The following COBLL1 variants were observed in gnomAD, a reference collection of about 807,000 sequenced individuals.
COBLL1 encodes the protein cordon-bleu WH2 repeat protein like 1.
Under a neutral mutation model 94.8 loss-of-function variants are expected in COBLL1, and 50 were observed. The observed-to-expected ratio is 0.53, with a 90% CI of 0.42 to 0.67. The LOEUF (loss-of-function observed/expected upper bound fraction) is 0.67, where lower values mean the gene tolerates loss of function less well. Among genes scored for constraint, COBLL1 ranks in the 30% least tolerant of loss-of-function variants. The pLI is 0.00. For missense variants in COBLL1, 1,362 were observed against 1,348.7 expected, an observed-to-expected ratio of 1.01 and a Z score of -0.15; for synonymous variants, 448 against 473.8, an observed-to-expected ratio of 0.95 and a Z score of 0.71.
intron 9 of COBLL1, among the ~76,000 whole-genome samples, chr2:164,702,575 A>ATAATAAT (rs1470498342): frequency 5.9e-5 from 8 of 135,066 alleles, no homozygotes; most frequent in African/African-American, 2.4e-4. Flanking sequence ...AAAAAAAAAA[A>ATAATAAT]AATAATAATA....
At chr2:164,826,907 T>C (rs113291448) in intron 2 of COBLL1, among the ~76,000 whole-genome samples, 3 of 147,156 alleles carry the variant, frequency 2.0e-5, no homozygotes, top group Middle Eastern at 3.4e-3. Flanking sequence ...TTTTTTTTTT[T>C]GTTTCTCTCT....
chr2:164,687,684 A>G (rs1683373738), intron 13 of COBLL1: 1 of 746,034 alleles, frequency 1.3e-6, no homozygotes, highest in Non-Finnish European at 2.4e-6. Context: ...TAGAGGAAAC[A>G]GGCTGCATAC....
intron 2 of COBLL1, among the ~76,000 whole-genome samples, chr2:164,806,224 T>C (rs1299061517): frequency 6.6e-6 from 1 of 152,140 alleles, no homozygotes; most frequent in Non-Finnish European, 1.5e-5. Flanking sequence ...AACAGTGACT[T>C]CCCAAGGAAT....
At chr2:164,790,531 C>T (rs1003591942) in intron 2 of COBLL1, among the ~76,000 whole-genome samples, 5 of 152,102 alleles carry the variant, frequency 3.3e-5, no homozygotes, top group Admixed American at 6.6e-5. Context: ...TTGTTTACAT[C>T]AATTAACCTA....
In COBLL1 at chr2:164,684,251, T is replaced by C. The variant is rs1011657919; in HGVS notation, c.*1695A>G. 2.6e-5 allele frequency: 4 copies of C among 152,102 alleles called. No homozygotes were observed. The highest frequency in any genetic ancestry group is 9.7e-5 in the African/African-American group (4 of 41,430). The allele number at this position is 152,102 out of a possible 1,614,324, so 9.4% of individuals were successfully genotyped here. A position where few individuals can be genotyped will look rare whatever the true frequency, so the allele number is the denominator to read the frequency against. On this transcript the variant is annotated 3_prime_UTR_variant, in exon 14 of 14. Transcript: ENST00000652658. ...TTCTATTAGGTAGACTTATCATGAG[T>C]TGTAGGAACTTTCATATCTTCATAA... is the stretch of plus-strand genomic sequence containing the variant.
intron 2 of COBLL1, among the ~76,000 whole-genome samples, chr2:164,756,667 G>A (rs891974430): frequency 2.6e-5 from 4 of 151,838 alleles, no homozygotes; most frequent in Non-Finnish European, 5.9e-5. Context: ...GATACGGCAG[G>A]GAGAAAACAA....
At chr2:164,822,662 T>C (rs1685220996) in intron 2 of COBLL1, among the ~76,000 whole-genome samples, 1 of 151,164 alleles carries the variant, frequency 6.6e-6, no homozygotes, top group South Asian at 2.1e-4. Flanking sequence ...AAAATTTCAA[T>C]ATGGGTAGAG....
chr2:164,780,281 A>G (rs1688672252), intron 2 of COBLL1, among the ~76,000 whole-genome samples: 1 of 152,146 alleles, frequency 6.6e-6, no homozygotes, highest in South Asian at 2.1e-4. Context: ...TTTCTACAAC[A>G]TAGAAATGGC....
At chr2:164,762,766 G>C (rs1037655291) in intron 2 of COBLL1, among the ~76,000 whole-genome samples, 2 of 143,892 alleles carry the variant, frequency 1.4e-5, no homozygotes, top group African/African-American at 2.6e-5. Context: ...GTGCGATCTC[G>C]ACTCACTGCA....
intron 11 of COBLL1, chr2:164,697,031 T>C (rs1384905407): frequency 1.3e-5 from 2 of 152,048 alleles, no homozygotes; most frequent in African/African-American, 4.8e-5. Flanking sequence ...TAAAATGTAA[T>C]AAGCTATATT....
chr2:164,719,761 G>C (rs773018095), intron 7 of COBLL1, among the ~76,000 whole-genome samples: 3 of 152,114 alleles, frequency 2.0e-5, no homozygotes, highest in Non-Finnish European at 4.4e-5. Context: ...GGAAGGGTTA[G>C]AGCTCAGACA....
chr2:164,788,249 A>G (rs182140636), intron 2 of COBLL1, among the ~76,000 whole-genome samples: 184 of 152,328 alleles, frequency 1.2e-3, no homozygotes, highest in Middle Eastern at 3.4e-3. Flanking sequence ...GAGTGAGGCC[A>G]CAAGTCTTGT....
At chr2:164,735,742 G>A (rs181071059) in intron 3 of COBLL1, among the ~76,000 whole-genome samples, 74 of 152,272 alleles carry the variant, frequency 4.9e-4, no homozygotes, top group Non-Finnish European at 1.0e-3. Flanking sequence ...AACAATTCTG[G>A]TTGGATAATC....
At chr2:164,827,916 T>C (rs1475651851) in intron 2 of COBLL1, among the ~76,000 whole-genome samples, 3 of 152,194 alleles carry the variant, frequency 2.0e-5, no homozygotes, top group Non-Finnish European at 4.4e-5. Context: ...GAATTTTCAC[T>C]TATATAGTAC....
At chr2:164,705,638 A>G (rs1305545136) in intron 7 of COBLL1, among the ~76,000 whole-genome samples, 4 of 152,202 alleles carry the variant, frequency 2.6e-5, no homozygotes, top group Admixed American at 1.3e-4. Context: ...CTCCTTCAGC[A>G]GGGGTCAGTG....
chr2:164,776,938 T>G (rs1688493126), intron 2 of COBLL1, among the ~76,000 whole-genome samples: 1 of 152,190 alleles, frequency 6.6e-6, no homozygotes. Context: ...TAATTTTAGA[T>G]TTACAGAAAA....
chr2:164,660,577 T>A (rs1192521916), intron 2 of COBLL1, among the ~76,000 whole-genome samples: 1 of 152,174 alleles, frequency 6.6e-6, no homozygotes, highest in Non-Finnish European at 1.5e-5. Context: ...ACTACCTATG[T>A]TCCTTTTGGT....
In COBLL1 at chr2:164,728,034, A is replaced by C; in HGVS notation, c.596T>G (p.Leu199Arg). 6.2e-7 allele frequency: 1 copy of C among 1,613,826 alleles called. No individual in the cohort carries two copies. The highest frequency in any genetic ancestry group is 8.5e-7 in the Non-Finnish European group (1 of 1,179,730). Residue 199 changes from leucine (L) to arginine (R), a missense_variant, in exon 5 of 14, where the codon CTT becomes CGT. By Grantham distance (102) the Leu-to-Arg change is moderately radical. Coordinates refer to ENST00000652658, the MANE Select transcript of COBLL1 (RefSeq NM_001365672.2). Reference protein sequence around the residue: ...LLKDYQSQEPLDLTKSLNDLG... With the variant: ...LLKDYQSQEPRDLTKSLNDLG... ...GTCATTAAGAGATTTTGTCAAGTCA[A>C]GAGGCTCCTGCGATTGATAATCTTT...
intron 1 of COBLL1, chr2:164,666,031 G>A (rs1691153468): frequency 6.6e-6 from 1 of 152,150 alleles, no homozygotes; most frequent in Admixed American, 6.5e-5. Flanking sequence ...ATAAATGTTT[G>A]AGATGATGTG....
Sources: gnomAD v4.1 joint callset for allele counts (sites outside exome capture counted in the v4.1 genomes callset) on GRCh38, gnomAD v4.1.1 for gene constraint, MANE v1.5 for transcripts, NCBI Gene and HGNC (gene_info 2026-07-23, HGNC 2026-07-21) for gene names.